GSE1: variants seen among roughly 807,000 people sequenced by gnomAD.
The protein encoded by GSE1 is genetic suppressor element 1.
Under a neutral mutation model 112.6 loss-of-function variants are expected in GSE1, and 32 were observed. That is an observed-to-expected ratio of 0.28 (90% CI 0.21 to 0.38). The LOEUF (loss-of-function observed/expected upper bound fraction) is 0.38. Ranked by LOEUF, GSE1 falls within the 10% of genes least tolerant of loss-of-function variation. The pLI is 1.00. For missense variants in GSE1, 2,348 were observed against 1,699.2 expected (o/e 1.38, Z -6.71); for synonymous variants, 1,115 against 735.6 (o/e 1.52, Z -8.35).
At chr16:85,478,889 TTCTTTCTTTC>T (rs2151864080) in intron 2 of GSE1, among the ~76,000 whole-genome samples, 2 of 72,146 alleles carry the variant, frequency 2.8e-5, no homozygotes, top group East Asian at 6.2e-4. Flanking sequence ...CTTTCTTTCT[TTCTTTCTTTC>T]TTTCTTTCTT....
chr16:85,438,472 G>A (rs1341703681), intron 2 of GSE1, among the ~76,000 whole-genome samples: 2 of 152,174 alleles, frequency 1.3e-5, no homozygotes, highest in Non-Finnish European at 2.9e-5. Flanking sequence ...TGTGGTGGTG[G>A]ACCTGCTCTA....
chr16:85,301,130 C>G lies in GSE1; in HGVS notation c.2284-56333C>G, dbSNP rs187023481. Reference sequence around the variant, plus strand: ...CCCCAGGCCTGGTGGGGCGCTCCCTCTCCCATCACATGGCGCCGTGGTGGT... The same window carrying G: ...CCCCAGGCCTGGTGGGGCGCTCCCTGTCCCATCACATGGCGCCGTGGTGGT... On this transcript the variant is annotated intron_variant, in intron 1 of 2. Coordinates refer to the GSE1 transcript ENST00000637419. Among the ~76,000 whole-genome samples the G allele has an allele frequency of 4.1e-3, 628 of 152,370 alleles. 3 individuals carry two copies. Among genetic ancestry groups the G allele is most frequent in the Admixed American group, 4.8e-3 (73 of 15,312 alleles).
At chr16:85,295,264 A>G (rs1459798660) in intron 1 of GSE1, among the ~76,000 whole-genome samples, 1 of 152,032 alleles carries the variant, frequency 6.6e-6, no homozygotes. Flanking sequence ...TTTCCTGGGA[A>G]TGGAATCCTG....
chr16:85,276,737 G>A (rs1371632543), intron 1 of GSE1, among the ~76,000 whole-genome samples: 2 of 152,114 alleles, frequency 1.3e-5, no homozygotes, highest in Non-Finnish European at 2.9e-5. Context: ...GAGGTGTGTG[G>A]GGTGGGACCT....
chr16:85,635,447 G>T (rs1259758257), intron 2 of GSE1, among the ~76,000 whole-genome samples: 1 of 152,228 alleles, frequency 6.6e-6, no homozygotes, highest in Non-Finnish European at 1.5e-5. Context: ...AGGCCGGACA[G>T]CTGCAGGCAA....
intron 2 of GSE1, among the ~76,000 whole-genome samples, chr16:85,543,181 A>G (rs1169372629): frequency 6.6e-6 from 1 of 150,418 alleles, no homozygotes; most frequent in Non-Finnish European, 1.5e-5. Flanking sequence ...CATGCACTCC[A>G]GCCTGGGCGA....
In GSE1 at chr16:85,304,611, G is replaced by GC. The variant is rs929434240; in HGVS notation, c.2284-52852_2284-52851insC. Among the ~76,000 whole-genome samples, 7 of 132,538 alleles carry GC rather than the reference G, an allele frequency of 5.3e-5. 1 individual carries two copies. In the East Asian group the frequency reaches 1.9e-3, roughly 37 times the overall value. The allele number at this position is 132,538 out of a possible 152,430, so 87.0% of individuals were successfully genotyped here. ...CTGCCAAGCCGGGGGCGGGGGGGTG[G>GC]GGCATCCCTTTTGCCTTGAGTCCAC... On this transcript the variant is annotated intron_variant, in intron 1 of 2. Transcript: ENST00000637419.
chr16:85,334,258 A>G (rs1456210592), intron 1 of GSE1, among the ~76,000 whole-genome samples: 1 of 152,018 alleles, frequency 6.6e-6, no homozygotes, highest in African/African-American at 2.4e-5. Flanking sequence ...GTGGATGTGG[A>G]GCTGCCACTT....
chr16:85,236,280 G>A (rs976297222), intron 1 of GSE1, among the ~76,000 whole-genome samples: 1 of 152,244 alleles, frequency 6.6e-6, no homozygotes, highest in African/African-American at 2.4e-5. Context: ...CCCCCGTGGT[G>A]CGAGCTGTGG....
intron 2 of GSE1, among the ~76,000 whole-genome samples, chr16:85,487,636 C>A (rs775120917): frequency 2.3e-4 from 35 of 152,142 alleles, no homozygotes; most frequent in Non-Finnish European, 3.8e-4. Context: ...GTCCCCAAGT[C>A]CAGGATGGGA....
At chr16:85,664,743 C>T (rs966359878) in intron 11 of GSE1, 5 of 375,916 alleles carry the variant, frequency 1.3e-5, no homozygotes, top group Non-Finnish European at 2.4e-5. Context: ...CACCGAGGTC[C>T]GTGGGCACAG....
intron 1 of GSE1, among the ~76,000 whole-genome samples, chr16:85,206,251 A>T (rs890594012): frequency 1.3e-5 from 2 of 150,720 alleles, no homozygotes; most frequent in African/African-American, 4.9e-5. Context: ...TTTGGCAAGG[A>T]GGCGGGCGTT....
chr16:85,222,392 C>T (rs11645440), intron 1 of GSE1, among the ~76,000 whole-genome samples: 1 of 152,210 alleles, frequency 6.6e-6, no homozygotes, highest in African/African-American at 2.4e-5. Flanking sequence ...GGCTATGCCC[C>T]CTGCTTGCGT....
At chr16:85,386,508 T>C (rs1450487250) in intron 2 of GSE1, among the ~76,000 whole-genome samples, 1 of 152,222 alleles carries the variant, frequency 6.6e-6, no homozygotes, top group Non-Finnish European at 1.5e-5. Context: ...ACCTACTGCC[T>C]CAGAAGCGGT....
rs749162612 is a variant in GSE1, at chr16:85,661,614, C to T, written c.2109C>T (p.Ser703=). The T allele has an allele frequency of 2.9e-5, 47 of 1,610,756 alleles. No homozygotes were observed. Among genetic ancestry groups the T allele is most frequent in the Admixed American group, 2.5e-4 (15 of 59,868 alleles). The change falls in exon 9 of 16, where the codon AGC becomes AGT. Residue 703 remains serine (S), a synonymous_variant. Coordinates refer to ENST00000253458, the MANE Select transcript of GSE1 (RefSeq NM_014615.5). ...AGGCGGCCACCTTCGGGGAGCTCAGCGGACCCCTGAAGCCTGGCTCGCCCT... is the reference window on the plus strand; with the variant it reads ...AGGCGGCCACCTTCGGGGAGCTCAGTGGACCCCTGAAGCCTGGCTCGCCCT... ...LPQAATFGEL[S]GPLKPGSPYR...
At chr16:85,539,804 G>T (rs6540043) in intron 2 of GSE1, among the ~76,000 whole-genome samples, 79,721 of 152,036 alleles carry the variant, frequency 0.52, 22,218 homozygotes, top group East Asian at 0.81. Flanking sequence ...CTCCCTGAAG[G>T]CCTTAGTCCA....
At chr16:85,499,555 C>T (rs186278227) in intron 2 of GSE1, among the ~76,000 whole-genome samples, 9 of 152,210 alleles carry the variant, frequency 5.9e-5, no homozygotes, top group Admixed American at 3.3e-4. Flanking sequence ...ATCCGCCCGC[C>T]TCAGCCTCCC....
intron 2 of GSE1, among the ~76,000 whole-genome samples, chr16:85,388,643 G>T (rs1051955003): frequency 3.3e-5 from 5 of 151,444 alleles, no homozygotes; most frequent in South Asian, 2.1e-4. Flanking sequence ...TAGGTGTGTG[G>T]GTGGATGGAT....
chr16:85,254,864 G>A (rs1273342589), intron 1 of GSE1, among the ~76,000 whole-genome samples: 1 of 152,242 alleles, frequency 6.6e-6, no homozygotes. Context: ...AGCAGCCGAG[G>A]CTGGAGATGT....
Sources: gnomAD v4.1 joint callset for allele counts (sites outside exome capture counted in the v4.1 genomes callset) on GRCh38, gnomAD v4.1.1 for gene constraint, MANE v1.5 for transcripts, NCBI Gene and HGNC (gene_info 2026-07-23, HGNC 2026-07-21) for gene names.